Variants in DIAPH2 observed in about 807,000 individuals in gnomAD.
DIAPH2 encodes the protein protein diaphanous homolog 2.
A neutral mutation model predicts 92.7 loss-of-function variants in DIAPH2; 35 were observed. That is an observed-to-expected ratio of 0.38 (90% confidence interval 0.29 to 0.50). DIAPH2 has a LOEUF of 0.50. Among genes scored for constraint, DIAPH2 ranks in the 20% least tolerant of loss-of-function variants. The pLI is 0.94. For synonymous variants in DIAPH2, 301 were observed against 280.4 expected (o/e 1.07, Z -0.73); for missense variants, 701 against 819.5 (o/e 0.86, Z 1.77).
At chrX:97,333,465 C>A (rs188745879) in intron 23 of DIAPH2, among the ~76,000 whole-genome samples, 2 of 111,774 alleles carry the variant, frequency 1.8e-5, no homozygotes, top group Admixed American at 9.5e-5. Flanking sequence ...CTAAGAGTCA[C>A]CCAGGCTGTA....
intron 26 of DIAPH2, among the ~76,000 whole-genome samples, chrX:97,481,928 G>A (rs191264987): frequency 8.1e-4 from 91 of 111,909 alleles, no homozygotes; most frequent in African/African-American, 2.9e-3. Context: ...AGAATTTCTG[G>A]TTAACAGTGG....
intron 22 of DIAPH2, among the ~76,000 whole-genome samples, chrX:97,214,943 A>G (rs772260342): frequency 1.3e-4 from 14 of 110,280 alleles, no homozygotes; most frequent in Non-Finnish European, 2.5e-4. Context: ...TTTTCTGACA[A>G]TAATAGGTAC....
intron 24 of DIAPH2, among the ~76,000 whole-genome samples, chrX:97,367,580 A>G (rs777975667): frequency 7.1e-5 from 8 of 112,113 alleles, no homozygotes; most frequent in Non-Finnish European, 1.5e-4. Flanking sequence ...AAAGAAAGAT[A>G]TGAAATTGTA....
intron 4 of DIAPH2, among the ~76,000 whole-genome samples, chrX:96,776,453 C>T (rs1304666687): frequency 1.8e-5 from 2 of 110,484 alleles, no homozygotes; most frequent in Admixed American, 9.7e-5. Flanking sequence ...TCAAGTGATC[C>T]GCCTGCCTTG....
intron 22 of DIAPH2, among the ~76,000 whole-genome samples, chrX:97,212,618 G>A (rs1358301864): frequency 2.1e-5 from 2 of 95,776 alleles, no homozygotes; most frequent in African/African-American, 7.7e-5. Context: ...TCAAATTGTG[G>A]TTGCTAAAAG....
chrX:96,795,783 A>G (rs1350558126), intron 4 of DIAPH2, among the ~76,000 whole-genome samples: 1 of 112,303 alleles, frequency 8.9e-6, no homozygotes. Flanking sequence ...TTTGTGTGAT[A>G]TATCATTTTG....
At position 96,991,660 on chromosome X, in the gene DIAPH2, A is replaced by G. The variant is rs995390284; in HGVS notation, c.2050+26453A>G. Among the ~76,000 whole-genome samples the G allele has an allele frequency of 6.6e-5, 7 of 105,432 alleles. 1 individual carries two copies. Among genetic ancestry groups the G allele is most frequent in the Non-Finnish European group, 9.6e-5 (5 of 51,870 alleles). 91.6% of individuals were successfully genotyped at this position (105,432 alleles called of 115,157 possible). A position where few individuals can be genotyped will look rare whatever the true frequency, so the allele number is the denominator to read the frequency against. On this transcript the variant is annotated intron_variant, in intron 17 of 26. Transcript: ENST00000324765. ...ATCATTGCTTATTTGTTTTCCTGCT[A>G]TTCATTGAGGATAAAGTAGCATCAC... is the stretch of plus-strand genomic sequence containing the variant.
At chrX:97,570,638 A>G (rs1284920488) in intron 26 of DIAPH2, among the ~76,000 whole-genome samples, 1 of 110,949 alleles carries the variant, frequency 9.0e-6, no homozygotes, top group Non-Finnish European at 1.9e-5. Context: ...CAGGGAATCT[A>G]AAATGGGGGA....
intron 23 of DIAPH2, among the ~76,000 whole-genome samples, chrX:97,333,270 AC>A (rs1481395538): frequency 2.7e-5 from 3 of 111,553 alleles, no homozygotes; most frequent in Non-Finnish European, 5.6e-5. Flanking sequence ...CTGCCATGCA[AC>A]CTGATCTCCA....
At chrX:97,003,130 CTT>C (rs376526447) in intron 17 of DIAPH2, among the ~76,000 whole-genome samples, 1 of 102,963 alleles carries the variant, frequency 9.7e-6, no homozygotes. Flanking sequence ...GGATCACATT[CTT>C]TTTTTTTTTT....
At chrX:96,800,007 A>G (rs185027942) in intron 4 of DIAPH2, among the ~76,000 whole-genome samples, 2 of 111,087 alleles carry the variant, frequency 1.8e-5, no homozygotes, top group Admixed American at 1.9e-4. Context: ...ATTCGTAGGT[A>G]GTCTGTTTCA....
At chrX:97,589,780 T>TA (rs2071505199) in intron 26 of DIAPH2, among the ~76,000 whole-genome samples, 2 of 112,613 alleles carry the variant, frequency 1.8e-5, no homozygotes, top group African/African-American at 3.2e-5. Flanking sequence ...TAGCCATTTT[T>TA]ATTCATGTAT....
intron 17 of DIAPH2, among the ~76,000 whole-genome samples, chrX:96,984,646 T>A (rs943337394): frequency 1.8e-5 from 2 of 111,281 alleles, no homozygotes; most frequent in African/African-American, 3.3e-5. Flanking sequence ...CAAATATATA[T>A]AAAATGAATT....
intron 26 of DIAPH2, among the ~76,000 whole-genome samples, chrX:97,522,302 G>T (rs2070996668): frequency 8.9e-6 from 1 of 111,924 alleles, no homozygotes; most frequent in African/African-American, 3.2e-5. Flanking sequence ...TGATTAGTAT[G>T]TAGACTATCA....
At chrX:97,063,033 C>CAAAAAAAAAAAAAAAAAAAAAAAA in intron 17 of DIAPH2, among the ~76,000 whole-genome samples, 1 of 57,413 alleles carries the variant, frequency 1.7e-5, no homozygotes, top group Non-Finnish European at 3.1e-5. Context: ...AACTCTGTCT[C>CAAAAAAAAAAAAAAAAAAAAAAAA]AAAAAAAAAA....
chrX:96,814,336 C>T (rs760876525), intron 4 of DIAPH2, among the ~76,000 whole-genome samples: 23 of 111,731 alleles, frequency 2.1e-4, no homozygotes, highest in Non-Finnish European at 3.9e-4. Flanking sequence ...AGCTTGTGCA[C>T]GCGTCACGTA....
chrX:97,135,641 T>G (rs2147402159), intron 21 of DIAPH2, among the ~76,000 whole-genome samples: 1 of 111,779 alleles, frequency 8.9e-6, no homozygotes, highest in South Asian at 3.8e-4. Flanking sequence ...ATATCTTAAA[T>G]TCCAAGTGTG....
chrX:96,807,170 G>A (rs2147656123), intron 4 of DIAPH2, among the ~76,000 whole-genome samples: 2 of 112,377 alleles, frequency 1.8e-5, no homozygotes, highest in East Asian at 5.6e-4. Flanking sequence ...TATTGTTGAA[G>A]GAGAATCCAG....
At chrX:97,569,489 A>T (rs1569425998) in intron 26 of DIAPH2, among the ~76,000 whole-genome samples, 1 of 111,820 alleles carries the variant, frequency 8.9e-6, no homozygotes, top group Non-Finnish European at 1.9e-5. Flanking sequence ...CCAAGGTGCT[A>T]GTCCACATAA....
Sources: allele counts gnomAD v4.1 joint callset (sites outside exome capture counted in the v4.1 genomes callset), GRCh38; gene constraint gnomAD v4.1.1; transcripts MANE v1.5; gene names NCBI Gene and HGNC (gene_info 2026-07-23, HGNC 2026-07-21).